MRPS18A: variants seen among roughly 807,000 people sequenced by gnomAD.
The protein encoded by MRPS18A is mitochondrial ribosomal protein S18A, also known as large ribosomal subunit protein mL66.
Under a neutral mutation model 22.7 loss-of-function variants are expected in MRPS18A, and 20 were observed. The observed-to-expected ratio is 0.88, with a 90% CI of 0.62 to 1.28. The LOEUF (loss-of-function observed/expected upper bound fraction) is 1.28. Ranked by LOEUF, MRPS18A falls within the 50% of genes most tolerant of loss-of-function variation. The probability of loss-of-function intolerance (pLI) is 0.00; values close to 1 mark genes in which losing one functional copy is unlikely to be tolerated. For missense variants in MRPS18A, 294 were observed against 262.6 expected, an observed-to-expected ratio of 1.12 and a Z score of -0.83; for synonymous variants, 106 against 99.1, an observed-to-expected ratio of 1.07 and a Z score of -0.41.
intron 1 of MRPS18A, among the ~76,000 whole-genome samples, chr6:43,682,344 T>G (rs73430405): frequency 0.21 from 31,973 of 152,076 alleles, 8,077 homozygotes; most frequent in African/African-American, 0.61. Flanking sequence ...ACCATCTAAC[T>G]AAAAAGGCAA....
rs144608254 is a variant in MRPS18A at position 43,671,405 on chromosome 6, T to C, written c.*357A>G. On this transcript the variant is annotated 3_prime_UTR_variant, in exon 6 of 6. Transcript: ENST00000372133. The stretch of plus-strand genomic sequence containing the variant: ...AATGCTCAGCACCCAGCTGGCAATG[T>C]GCCCAGGACCCCCTGCACTTCCCAA... 2.0e-4 allele frequency: 79 copies of C among 402,482 alleles called. No homozygotes were observed. Among genetic ancestry groups the C allele is most frequent in the African/African-American group, 1.6e-3 (77 of 49,644 alleles). 24.9% of individuals were successfully genotyped at this position (402,482 alleles called of 1,614,324 possible).
chr6:43,687,194 C>G (rs976370962), intron 1 of MRPS18A, among the ~76,000 whole-genome samples: 15 of 152,190 alleles, frequency 9.9e-5, no homozygotes, highest in African/African-American at 2.9e-4. Context: ...TGGCCTCCCC[C>G]TCACAGGGAG....
chr6:43,678,424 C>T lies in MRPS18A; in HGVS notation c.252+94G>A, dbSNP rs762414132. 2.6e-5 allele frequency: 24 copies of T among 907,930 alleles called. No individual in the cohort carries two copies. The South Asian group carries it at 3.1e-4, about 12-fold the overall frequency. The allele number at this position is 907,930 out of a possible 1,614,324, so 56.2% of individuals were successfully genotyped here. On this transcript the variant is annotated intron_variant, in intron 3 of 5. Transcript: ENST00000372133. ...TCTCTGGTGGTTCCATGAAATGCAG[C>T]AGTAGCTACAGCGGGGACATGCTGC... is the stretch of plus-strand genomic sequence containing the variant.
chr6:43,679,967 A>C (rs562549718), intron 2 of MRPS18A, among the ~76,000 whole-genome samples: 5 of 152,166 alleles, frequency 3.3e-5, no homozygotes, highest in Non-Finnish European at 5.9e-5. Context: ...CTAGTGAGGT[A>C]GGTGTCTGAT....
Position 43,675,199 on chromosome 6 carries a change from T to TACGGGTTGAGTTGGGGTTTGCTC in MRPS18A, c.446+2_446+3insGAGCAAACCCCAACTCAACCCGT, listed in dbSNP as rs1333914702. ...CAGGTTGTTCACACCCAGGCTTGCT[T>TACGGGTTGAGTTGGGGTTTGCTC]ACCGGTTGAGTTGGGGTTTGCTCTT... On this transcript the variant is annotated splice_region_variant and intron_variant, in intron 5 of 5. Transcript: ENST00000372133. 1 of 1,513,490 alleles carries TACGGGTTGAGTTGGGGTTTGCTC rather than the reference T, an allele frequency of 6.6e-7. No homozygotes were observed. Among genetic ancestry groups the TACGGGTTGAGTTGGGGTTTGCTC allele is most frequent in the Admixed American group, 2.3e-5 (1 of 43,936 alleles). The allele number at this position is 1,513,490 out of a possible 1,614,324, so 93.8% of individuals were successfully genotyped here. A position where few individuals can be genotyped will look rare whatever the true frequency, so the allele number is the denominator to read the frequency against.
At position 43,671,211 on chromosome 6, in the gene MRPS18A, C is replaced by T. The variant is rs1051700162; in HGVS notation, c.*551G>A. The T allele has an allele frequency of 4.0e-5, 23 of 576,068 alleles. No individual in the cohort carries two copies. Among genetic ancestry groups the T allele is most frequent in the East Asian group, 2.0e-4 (7 of 34,418 alleles). 35.7% of individuals were successfully genotyped at this position (576,068 alleles called of 1,614,324 possible). On this transcript the variant is annotated 3_prime_UTR_variant, in exon 6 of 6. Coordinates refer to ENST00000372133, the MANE Select transcript of MRPS18A (RefSeq NM_018135.4). ...TGACAACCAGGGCCCCTTTGAGGAA[C>T]GCAGTTTCTTGGATTCACACGAGAG...
intron 2 of MRPS18A, 88 bp from the exon 3 acceptor site, chr6:43,678,713 T>C (rs1774211117): frequency 1.1e-6 from 1 of 926,990 alleles, no homozygotes; most frequent in South Asian, 1.4e-5. Context: ...ATGATGGTAA[T>C]GCTGGTGAAA....
At chr6:43,682,759 A>ACTGCAATACGTCAAT (rs1427511502) in intron 1 of MRPS18A, among the ~76,000 whole-genome samples, 1 of 152,232 alleles carries the variant, frequency 6.6e-6, no homozygotes, top group Non-Finnish European at 1.5e-5. Context: ...AGGGAAGGTC[A>ACTGCAATACGTCAAT]CTGCAATACG....
chr6:43,678,647 C>T lies in MRPS18A; in HGVS notation c.145-22G>A, dbSNP rs779808187. The T allele has an allele frequency of 1.9e-6, 3 of 1,562,134 alleles. No homozygotes were observed. In the East Asian group the frequency reaches 6.7e-5, roughly 35 times the overall value. On this transcript the variant is annotated intron_variant, in intron 2 of 5. Coordinates refer to ENST00000372133, the MANE Select transcript of MRPS18A (RefSeq NM_018135.4). ...CAATCTAGGAGACAGAGAAAGTGAGCCAGTGTGAGAGACAGGACCTGCGTG... is the reference window on the plus strand; with the variant it reads ...CAATCTAGGAGACAGAGAAAGTGAGTCAGTGTGAGAGACAGGACCTGCGTG...
At position 43,678,487 on chromosome 6, in the gene MRPS18A, C is replaced by T. The variant is rs777864386; in HGVS notation, c.252+31G>A. ...GGGAATCTGAGAACTTCATGACACA[C>T]AGAACCGAGTGTCTCTGTACCCAGA... is the stretch of plus-strand genomic sequence containing the variant. On this transcript the variant is annotated intron_variant, in intron 3 of 5. Coordinates refer to ENST00000372133, the MANE Select transcript of MRPS18A (RefSeq NM_018135.4). 2.0e-6 allele frequency: 3 copies of T among 1,517,264 alleles called. No homozygotes were observed. The African/African-American group carries it at 4.1e-5, about 21-fold the overall frequency. 94.0% of individuals were successfully genotyped at this position (1,517,264 alleles called of 1,614,324 possible).
At chr6:43,679,369 C>T (rs147074333) in intron 2 of MRPS18A, among the ~76,000 whole-genome samples, 1 of 152,200 alleles carries the variant, frequency 6.6e-6, no homozygotes, top group Non-Finnish European at 1.5e-5. Flanking sequence ...TGCGTGCACT[C>T]GTTCTCTCTT....
At chr6:43,675,062 A>G (rs79985053) in intron 5 of MRPS18A, 140 bp downstream of exon 5, 44,477 of 708,230 alleles carry the variant, frequency 0.063, 2,180 homozygotes, top group East Asian at 0.22. Context: ...AGAAGGCAAC[A>G]GAAGAAGCGA....
At chr6:43,682,051 C>T (rs1171360786) in intron 1 of MRPS18A, among the ~76,000 whole-genome samples, 2 of 152,216 alleles carry the variant, frequency 1.3e-5, no homozygotes, top group African/African-American at 4.8e-5. Context: ...CCTGTAATCC[C>T]AGCACTTTGG....
intron 1 of MRPS18A, among the ~76,000 whole-genome samples, chr6:43,682,795 C>T (rs1037765359): frequency 2.6e-5 from 4 of 152,142 alleles, no homozygotes; most frequent in South Asian, 2.1e-4. Context: ...AACCTACAAA[C>T]GGAGGATGGG....
intron 1 of MRPS18A, among the ~76,000 whole-genome samples, chr6:43,683,797 G>A (rs763257556): frequency 6.6e-6 from 1 of 152,150 alleles, no homozygotes; most frequent in Non-Finnish European, 1.5e-5. Flanking sequence ...TACCTACTGT[G>A]AATTACAGTA....
chr6:43,675,040 T>C lies in MRPS18A; in HGVS notation c.446+162A>G, dbSNP rs989356838. On this transcript the variant is annotated intron_variant, in intron 5 of 5. Coordinates refer to ENST00000372133, the MANE Select transcript of MRPS18A (RefSeq NM_018135.4). ...GGGCCCTACAGGGGAGGAAAGAGGC[T>C]GAGGTTGGCAAAGAAGGCAACAGAA... Among the ~76,000 whole-genome samples the C allele has an allele frequency of 1.4e-4, 21 of 152,196 alleles. No individual in the cohort carries two copies. The East Asian group carries it at 2.1e-3, about 15-fold the overall frequency.
intron 2 of MRPS18A, 108 bp from the exon 3 acceptor site, chr6:43,678,733 G>A (rs961457844): frequency 1.3e-6 from 1 of 784,126 alleles, no homozygotes; most frequent in African/African-American, 1.7e-5. Context: ...AGTTTACCTT[G>A]GGGGTTCTTG....
intron 3 of MRPS18A, 126 bp from the exon 4 acceptor site, chr6:43,675,743 C>T (rs1050628136): frequency 2.4e-5 from 27 of 1,146,172 alleles, no homozygotes; most frequent in Middle Eastern, 2.3e-4. Flanking sequence ...TCACTTCCTC[C>T]ACACAGAGCT....
At chr6:43,674,217 C>T (rs1163315640) in intron 5 of MRPS18A, among the ~76,000 whole-genome samples, 4 of 152,174 alleles carry the variant, frequency 2.6e-5, no homozygotes, top group Admixed American at 2.6e-4. Context: ...TGCATTCCCA[C>T]ATCCCACACC....
Sources: gnomAD v4.1 joint callset for allele counts (sites outside exome capture counted in the v4.1 genomes callset) on GRCh38, gnomAD v4.1.1 for gene constraint, MANE v1.5 for transcripts, NCBI Gene and HGNC (gene_info 2026-07-23, HGNC 2026-07-21) for gene names.